NTM: variants seen among roughly 807,000 people sequenced by gnomAD.
NTM encodes the protein neurotrimin.
Under a neutral mutation model 42.1 loss-of-function variants are expected in NTM, and 13 were observed. The ratio of observed to expected loss-of-function variants is 0.31; its 90% CI spans 0.20 to 0.49. NTM has a LOEUF of 0.49. Among genes scored for constraint, NTM ranks in the 20% least tolerant of loss-of-function variants. NTM has a pLI of 0.99. For missense variants in NTM, 373 were observed against 452.8 expected, an observed-to-expected ratio of 0.82 and a Z score of 1.60; for synonymous variants, 187 against 179.2, an observed-to-expected ratio of 1.04 and a Z score of -0.35.
chr11:132,295,002 A>C (rs2094564094), intron 4 of NTM, among the ~76,000 whole-genome samples: 1 of 152,154 alleles, frequency 6.6e-6, no homozygotes, highest in African/African-American at 2.4e-5. Context: ...TTCTCTTATT[A>C]ATTCCAGGCC....
chr11:131,498,952 G>A (rs1307318698), intron 1 of NTM, among the ~76,000 whole-genome samples: 3 of 152,196 alleles, frequency 2.0e-5, no homozygotes, highest in Non-Finnish European at 4.4e-5. Context: ...ACCCTACAGT[G>A]GCAGGAGGCT....
chr11:132,189,341 A>G (rs1049051393), intron 3 of NTM, among the ~76,000 whole-genome samples: 1 of 152,184 alleles, frequency 6.6e-6, no homozygotes, highest in African/African-American at 2.4e-5. Flanking sequence ...TTCCTTAAAG[A>G]TGCTCAGCTC....
intron 1 of NTM, among the ~76,000 whole-genome samples, chr11:131,374,773 C>A (rs10750476): frequency 6.6e-6 from 1 of 152,020 alleles, no homozygotes; most frequent in Non-Finnish European, 1.5e-5. Context: ...GCTCTCTCAA[C>A]ATCCCAAGAA....
At chr11:131,980,737 A>G (rs1292781353) in intron 2 of NTM, among the ~76,000 whole-genome samples, 1 of 152,196 alleles carries the variant, frequency 6.6e-6, no homozygotes, top group Non-Finnish European at 1.5e-5. Flanking sequence ...GTGGCCCTTA[A>G]GATGCTCAGT....
rs185653315 is a variant in NTM at position 131,852,912 on chromosome 11, A to G, written c.83-58652A>G. 6.5e-3 allele frequency among the ~76,000 whole-genome samples: 973 copies of G among 149,270 alleles called. 13 individuals are homozygous for G. Among genetic ancestry groups the G allele is most frequent in the African/African-American group, 0.023 (903 of 39,966 alleles). On this transcript the variant is annotated intron_variant, in intron 1 of 8. Coordinates refer to ENST00000683400, the MANE Select transcript of NTM (RefSeq NM_001352005.2). ...CATCCATCCACCCACCCATCCATCC[A>G]TCCATCCACCCACCCATCCATCCAT...
chr11:131,839,255 C>A (rs542876402), intron 1 of NTM, among the ~76,000 whole-genome samples: 1 of 152,282 alleles, frequency 6.6e-6, no homozygotes. Context: ...AGCCACCATG[C>A]CTGGCCTGTA....
At chr11:131,429,634 T>G (rs1211493472) in intron 1 of NTM, among the ~76,000 whole-genome samples, 1 of 152,186 alleles carries the variant, frequency 6.6e-6, no homozygotes, top group African/African-American at 2.4e-5. Context: ...CCACTTAAAT[T>G]GACAACTCTG....
intron 1 of NTM, among the ~76,000 whole-genome samples, chr11:131,602,742 A>T (rs1417097033): frequency 6.6e-6 from 1 of 152,154 alleles, no homozygotes; most frequent in Non-Finnish European, 1.5e-5. Flanking sequence ...AACATTCTCC[A>T]AATTGAGCTC....
chr11:131,670,200 TCTC>T (rs1207779668), intron 1 of NTM, among the ~76,000 whole-genome samples: 14 of 152,116 alleles, frequency 9.2e-5, no homozygotes, highest in African/African-American at 2.7e-4. Flanking sequence ...CAAAAGCTCT[TCTC>T]CTGCCACGTC....
At chr11:131,845,241 A>T (rs1251724180) in intron 1 of NTM, among the ~76,000 whole-genome samples, 1 of 152,146 alleles carries the variant, frequency 6.6e-6, no homozygotes, top group Non-Finnish European at 1.5e-5. Flanking sequence ...TTGATTACAC[A>T]TTTAAGGAAT....
chr11:132,103,658 G>C (rs1200983680), intron 2 of NTM, among the ~76,000 whole-genome samples: 2 of 152,192 alleles, frequency 1.3e-5, no homozygotes, highest in Admixed American at 6.5e-5. Flanking sequence ...GCTTCTGCAT[G>C]TAGATACTTA....
intron 3 of NTM, among the ~76,000 whole-genome samples, chr11:132,196,777 G>C (rs1043919813): frequency 6.6e-6 from 1 of 152,056 alleles, no homozygotes; most frequent in Non-Finnish European, 1.5e-5. Context: ...TACTTGAGAG[G>C]GGGAGGATGG....
intron 7 of NTM, among the ~76,000 whole-genome samples, chr11:132,327,972 C>G (rs1319358612): frequency 6.6e-6 from 1 of 152,122 alleles, no homozygotes; most frequent in East Asian, 1.9e-4. Flanking sequence ...GCATGCTTGA[C>G]AAGCTTGAAT....
intron 2 of NTM, among the ~76,000 whole-genome samples, chr11:132,090,213 C>A (rs1437516804): frequency 1.3e-5 from 2 of 152,106 alleles, no homozygotes; most frequent in African/African-American, 4.8e-5. Context: ...AAACCATGGG[C>A]TATATGTAGG....
chr11:132,322,355 GA>G (rs1388555463), intron 7 of NTM, among the ~76,000 whole-genome samples: 1 of 149,024 alleles, frequency 6.7e-6, no homozygotes, highest in African/African-American at 2.5e-5. Flanking sequence ...AAATGGAAAA[GA>G]AAAAAAGGCA....
At chr11:132,126,981 A>G (rs150347898) in intron 2 of NTM, among the ~76,000 whole-genome samples, 1 of 152,274 alleles carries the variant, frequency 6.6e-6, no homozygotes, top group African/African-American at 2.4e-5. Flanking sequence ...TTCGGGCCTT[A>G]TTGTCAGTCT....
rs553584187 is a variant in NTM at position 131,410,041 on chromosome 11, G to A, written c.82+39153G>A. 2.6e-5 allele frequency among the ~76,000 whole-genome samples: 4 copies of A among 152,248 alleles called. No homozygotes were observed. The South Asian group carries it at 8.3e-4, about 32-fold the overall frequency. On this transcript the variant is annotated intron_variant, in intron 1 of 8. Transcript: ENST00000683400. ...GGAAGGAAGGGTGAAGGATGGGAGA[G>A]GGGAAGCTGACCGGCTTTCCCTGGA... is the stretch of plus-strand genomic sequence containing the variant.
At chr11:132,162,635 G>A (rs772763460) in intron 3 of NTM, among the ~76,000 whole-genome samples, 10 of 150,064 alleles carry the variant, frequency 6.7e-5, no homozygotes, top group Non-Finnish European at 1.5e-4. Flanking sequence ...GTGTATGTGT[G>A]TGGGGCATGT....
chr11:132,073,973 C>T (rs1317511164), intron 2 of NTM, among the ~76,000 whole-genome samples: 1 of 152,138 alleles, frequency 6.6e-6, no homozygotes, highest in East Asian at 1.9e-4. Flanking sequence ...CTGGGGTTAA[C>T]GTGGTTGGAA....
Sources: gnomAD v4.1 joint callset for allele counts (sites outside exome capture counted in the v4.1 genomes callset) on GRCh38, gnomAD v4.1.1 for gene constraint, MANE v1.5 for transcripts, NCBI Gene and HGNC (gene_info 2026-07-23, HGNC 2026-07-21) for gene names.